WWOX: variants seen among roughly 807,000 people sequenced by gnomAD.
WWOX encodes the protein WW domain-containing oxidoreductase.
WWOX carries 69 observed loss-of-function variants against 46.2 expected under a neutral mutation model. The ratio of observed to expected loss-of-function variants is 1.49; its 90% CI spans 1.23 to 1.82. WWOX has a LOEUF of 1.82. WWOX is among the 40% of genes most tolerant of loss of function. WWOX has a pLI of 0.00. For synonymous variants in WWOX, 359 were observed against 202.6 expected, an observed-to-expected ratio of 1.77 and a Z score of -6.56; for missense variants, 919 against 542.6, an observed-to-expected ratio of 1.69 and a Z score of -6.89.
chr16:78,454,106 T>A (rs2151416053), intron 8 of WWOX, among the ~76,000 whole-genome samples: 1 of 152,308 alleles, frequency 6.6e-6, no homozygotes, highest in Middle Eastern at 3.4e-3. Context: ...AGCAAGCCTC[T>A]TCCAGTATTC....
At chr16:79,090,903 C>G (rs941124082) in intron 8 of WWOX, among the ~76,000 whole-genome samples, 3 of 152,206 alleles carry the variant, frequency 2.0e-5, no homozygotes, top group Non-Finnish European at 4.4e-5. Flanking sequence ...AAACAATTGT[C>G]CTGCCTCAGC....
chr16:78,596,067 TTTATA>T (rs2045482290), intron 8 of WWOX, among the ~76,000 whole-genome samples: 1 of 152,226 alleles, frequency 6.6e-6, no homozygotes, highest in Non-Finnish European at 1.5e-5. Context: ...CTGCTCATTT[TTTATA>T]TTCAAAATTT....
At chr16:78,174,227 C>G (rs975405794) in intron 5 of WWOX, among the ~76,000 whole-genome samples, 1 of 152,140 alleles carries the variant, frequency 6.6e-6, no homozygotes, top group Non-Finnish European at 1.5e-5. Context: ...GCTTCAGAAT[C>G]ATGGTAGGAG....
At chr16:78,492,189 G>C (rs1161085671) in intron 8 of WWOX, among the ~76,000 whole-genome samples, 1 of 152,130 alleles carries the variant, frequency 6.6e-6, no homozygotes, top group Non-Finnish European at 1.5e-5. Context: ...TCCATTAGGT[G>C]ACAGTGTGTG....
intron 8 of WWOX, among the ~76,000 whole-genome samples, chr16:78,803,758 C>A (rs889051364): frequency 2.6e-5 from 4 of 152,128 alleles, no homozygotes; most frequent in Non-Finnish European, 5.9e-5. Flanking sequence ...CGTGTCCAGC[C>A]TAAATGGCAT....
chr16:78,617,549 C>G (rs893174442), intron 8 of WWOX, among the ~76,000 whole-genome samples: 1 of 152,154 alleles, frequency 6.6e-6, no homozygotes, highest in Non-Finnish European at 1.5e-5. Flanking sequence ...AAGAAGCACC[C>G]ACGTCTTTCT....
intron 8 of WWOX, among the ~76,000 whole-genome samples, chr16:79,208,064 A>C (rs1028069083): frequency 6.6e-6 from 1 of 152,206 alleles, no homozygotes; most frequent in Non-Finnish European, 1.5e-5. Context: ...TGCAAATCTG[A>C]CAGATGATTT....
intron 8 of WWOX, among the ~76,000 whole-genome samples, chr16:79,028,510 T>C (rs2047690422): frequency 6.6e-6 from 1 of 151,718 alleles, no homozygotes; most frequent in South Asian, 2.1e-4. Flanking sequence ...CATTTTTCTT[T>C]CCTCCTTCTT....
At chr16:78,528,197 G>GTTTTTTTTTTTTTT (rs1567623987) in intron 8 of WWOX, among the ~76,000 whole-genome samples, 1 of 61,456 alleles carries the variant, frequency 1.6e-5, no homozygotes, top group African/African-American at 6.9e-5. Context: ...TGCATTTTTA[G>GTTTTTTTTTTTTTT]TCGAGACAGG....
chr16:79,024,895 A>G (rs189575218), intron 8 of WWOX, among the ~76,000 whole-genome samples: 1 of 152,324 alleles, frequency 6.6e-6, no homozygotes, highest in African/African-American at 2.4e-5. Context: ...CTAAAGAGGA[A>G]TGGGAGTCAG....
chr16:78,737,342 A>C (rs1273632371), intron 8 of WWOX, among the ~76,000 whole-genome samples: 1 of 150,484 alleles, frequency 6.6e-6, no homozygotes, highest in Non-Finnish European at 1.5e-5. Flanking sequence ...CATCATGTTG[A>C]TCAGGCTGGT....
chr16:78,984,528 C>A (rs2046746973), intron 8 of WWOX, among the ~76,000 whole-genome samples: 1 of 152,164 alleles, frequency 6.6e-6, no homozygotes, highest in Non-Finnish European at 1.5e-5. Context: ...AGGCAGCAGG[C>A]CAGAATTAGC....
At chr16:78,355,421 T>C (rs35273267) in intron 5 of WWOX, 21,768 of 282,088 alleles carry the variant, frequency 0.077, 1,104 homozygotes, top group East Asian at 0.082. Flanking sequence ...GCTAACACGG[T>C]GAAACCGTGT....
rs571908474 is a variant in WWOX, at chr16:78,705,020, C to A, written c.1056+272268C>A. ...TAACATTTCTAGAAGTGCAACATTG[C>A]TTCTAAGGTAAGGGCAAGGACCATG... On this transcript the variant is annotated intron_variant, in intron 8 of 8. Coordinates refer to ENST00000566780, the MANE Select transcript of WWOX (RefSeq NM_016373.4). Among the ~76,000 whole-genome samples, 14 of 151,582 alleles carry A rather than the reference C, an allele frequency of 9.2e-5. No individual in the cohort carries two copies. In the South Asian group the frequency reaches 2.7e-3, roughly 29 times the overall value.
chr16:78,530,959 A>C (rs867576534), intron 8 of WWOX, among the ~76,000 whole-genome samples: 7 of 152,250 alleles, frequency 4.6e-5, no homozygotes, highest in African/African-American at 1.7e-4. Flanking sequence ...GAAAAAAGTT[A>C]GGCTCTGAGA....
At chr16:78,935,227 C>A (rs1465445534) in intron 8 of WWOX, among the ~76,000 whole-genome samples, 1 of 152,126 alleles carries the variant, frequency 6.6e-6, no homozygotes, top group Non-Finnish European at 1.5e-5. Context: ...CTAGAAATAC[C>A]ATTTGACCCA....
chr16:78,711,131 G>C (rs1392929710), intron 8 of WWOX, among the ~76,000 whole-genome samples: 4 of 152,290 alleles, frequency 2.6e-5, no homozygotes, highest in African/African-American at 7.2e-5. Context: ...GGCTAAATTA[G>C]GTGGGACCTT....
At chr16:78,411,332 T>C (rs1373265877) in intron 6 of WWOX, among the ~76,000 whole-genome samples, 7 of 152,108 alleles carry the variant, frequency 4.6e-5, no homozygotes. Flanking sequence ...TGTTTATATA[T>C]TGCTAATGGA....
At chr16:78,299,208 G>C (rs1023990075) in intron 5 of WWOX, among the ~76,000 whole-genome samples, 1 of 152,170 alleles carries the variant, frequency 6.6e-6, no homozygotes, top group Non-Finnish European at 1.5e-5. Context: ...GTGAAGTGGA[G>C]GCTATTACTC....
Sources: allele counts gnomAD v4.1 joint callset (sites outside exome capture counted in the v4.1 genomes callset), GRCh38; gene constraint gnomAD v4.1.1; transcripts MANE v1.5; gene names NCBI Gene and HGNC (gene_info 2026-07-23, HGNC 2026-07-21).